PCDHA5: variants seen among roughly 807,000 people sequenced by gnomAD.
PCDHA5 encodes protocadherin alpha 5, also known as protocadherin alpha-5.
PCDHA5 carries 43 observed loss-of-function variants against 61.6 expected under a neutral mutation model. That is an observed-to-expected ratio of 0.70 (90% CI 0.55 to 0.90). PCDHA5 has a LOEUF of 0.90. Among genes scored for constraint, PCDHA5 ranks in the 40% least tolerant of loss-of-function variants. The pLI, the probability that PCDHA5 is intolerant of heterozygous loss-of-function variation, is 0.00. For synonymous variants in PCDHA5, 627 were observed against 543.9 expected (o/e 1.15, Z -2.13); for missense variants, 1,298 against 1,222.7 (o/e 1.06, Z -0.92).
chr5:140,863,149 G>T, intron 1 of PCDHA5: 1 of 617,002 alleles, frequency 1.6e-6, no homozygotes, highest in Non-Finnish European at 3.1e-6. Context: ...GCTGGTGAAG[G>T]ACCACTGCGA....
chr5:141,009,407 G>T (rs990895210), intron 3 of PCDHA5, among the ~76,000 whole-genome samples: 2 of 152,184 alleles, frequency 1.3e-5, no homozygotes, highest in Admixed American at 6.5e-5. Flanking sequence ...TGCAGTGACT[G>T]CATTTCAGCC....
intron 1 of PCDHA5, among the ~76,000 whole-genome samples, chr5:140,936,918 T>C (rs2091208385): frequency 6.6e-6 from 1 of 152,198 alleles, no homozygotes; most frequent in Non-Finnish European, 1.5e-5. Flanking sequence ...CTGTAGAAAA[T>C]ATGGGGTATA....
chr5:140,978,246 C>T (rs1243560833), intron 1 of PCDHA5, among the ~76,000 whole-genome samples: 1 of 152,148 alleles, frequency 6.6e-6, no homozygotes, highest in Non-Finnish European at 1.5e-5. Flanking sequence ...TCAGCTACTC[C>T]CTGTTAAACA....
chr5:140,879,824 T>G (rs946010713), intron 1 of PCDHA5, among the ~76,000 whole-genome samples: 2 of 152,250 alleles, frequency 1.3e-5, no homozygotes, highest in Non-Finnish European at 2.9e-5. Context: ...TGGTGTTCCC[T>G]GGCTTGTGGC....
rs528377796 is a variant in PCDHA5, at chr5:140,957,777, T to G, written c.2353-21172T>G. The stretch of plus-strand genomic sequence containing the variant: ...TTCATTATATATGTTAAGTAAAAAC[T>G]AAGTTCATCATATATGTTAAGTAAA... On this transcript the variant is annotated intron_variant, in intron 1 of 3. Coordinates refer to ENST00000529859, the MANE Select transcript of PCDHA5 (RefSeq NM_018908.3). 8.5e-5 allele frequency among the ~76,000 whole-genome samples: 13 copies of G among 152,182 alleles called. No individual in the cohort carries two copies. The South Asian group carries it at 1.7e-3, about 19-fold the overall frequency.
At chr5:140,869,729 A>T (rs1554163384) in intron 1 of PCDHA5, 2 of 1,613,280 alleles carry the variant, frequency 1.2e-6, no homozygotes, top group Non-Finnish European at 1.7e-6. Context: ...CCGGAACTTA[A>T]TTTGCTGCTA....
At chr5:141,007,227 A>G (rs1458505596) in intron 3 of PCDHA5, among the ~76,000 whole-genome samples, 1 of 151,972 alleles carries the variant, frequency 6.6e-6, no homozygotes, top group Non-Finnish European at 1.5e-5. Flanking sequence ...CAAAATAAGA[A>G]GGATTGTTGA....
chr5:140,821,735 T>A lies in PCDHA5; in HGVS notation c.-41T>A. 1 of 1,535,068 alleles carries A rather than the reference T, an allele frequency of 6.5e-7. No individual in the cohort carries two copies. Among genetic ancestry groups the A allele is most frequent in the South Asian group, 1.2e-5 (1 of 80,362 alleles). Reference sequence around the variant, plus strand: ...AATTGAATTTACAAAATACATTGTGTGGTGATGCAATAGAAAGCTCATAAT... The same window carrying A: ...AATTGAATTTACAAAATACATTGTGAGGTGATGCAATAGAAAGCTCATAAT... On this transcript the variant is annotated 5_prime_UTR_variant, in exon 1 of 4. Coordinates refer to ENST00000529859, the MANE Select transcript of PCDHA5 (RefSeq NM_018908.3).
intron 1 of PCDHA5, among the ~76,000 whole-genome samples, chr5:140,932,861 G>A (rs1554209099): frequency 6.6e-6 from 1 of 151,858 alleles, no homozygotes; most frequent in Non-Finnish European, 1.5e-5. Flanking sequence ...ATGACTTATT[G>A]TCTTTTGTTG....
At chr5:140,865,781 A>T (rs1213634186) in intron 1 of PCDHA5, 5 of 152,208 alleles carry the variant, frequency 3.3e-5, no homozygotes, top group Non-Finnish European at 5.9e-5. Flanking sequence ...TCAAATGTGT[A>T]TCTTTCAGGC....
chr5:140,823,878 C>A lies in PCDHA5; in HGVS notation c.2103C>A (p.Ile701=), dbSNP rs142924665. The change falls in exon 1 of 4, where the codon ATC becomes ATA. Residue 701 remains isoleucine, a synonymous_variant. Coordinates refer to ENST00000529859, the MANE Select transcript of PCDHA5 (RefSeq NM_018908.3). The stretch of plus-strand genomic sequence containing the variant: ...TGGATGTCAACGTGTACCTGATCAT[C>A]GCCATCTGTGCGGTGTCCAGCCTGC... ...ALVDVNVYLI[I]AICAVSSLLV... 6,707 of 1,613,924 alleles carry A rather than the reference C, an allele frequency of 4.2e-3. 22 individuals are homozygous for A. Among genetic ancestry groups the A allele is most frequent in the Non-Finnish European group, 5.2e-3 (6,149 of 1,179,944 alleles).
At chr5:140,871,273 G>T in intron 1 of PCDHA5, 3 of 1,613,916 alleles carry the variant, frequency 1.9e-6, no homozygotes, top group Non-Finnish European at 2.5e-6. Flanking sequence ...GTGGTGGTCG[G>T]CAACGCCCAC....
intron 1 of PCDHA5, chr5:140,851,388 A>G (rs2042047686): frequency 1.0e-6 from 1 of 974,904 alleles, no homozygotes; most frequent in Admixed American, 6.2e-5. Flanking sequence ...AACCTTCAGT[A>G]TCTATTATTT....
chr5:140,950,071 T>C (rs560042578), intron 1 of PCDHA5, among the ~76,000 whole-genome samples: 20 of 152,098 alleles, frequency 1.3e-4, no homozygotes, highest in African/African-American at 4.8e-4. Context: ...TCCTGTGCCA[T>C]TGCTTATGCT....
intron 1 of PCDHA5, chr5:140,869,970 A>G: frequency 3.7e-6 from 6 of 1,613,166 alleles, no homozygotes; most frequent in Non-Finnish European, 5.1e-6. Context: ...CCAATGGAAG[A>G]CACTTATTTA....
chr5:140,858,539 T>A (rs62384480), intron 1 of PCDHA5: 78,694 of 1,399,008 alleles, frequency 0.056, 7,001 homozygotes, highest in Non-Finnish European at 0.065. Context: ...TTTGTCTACA[T>A]TCCATTTATG....
intron 3 of PCDHA5, among the ~76,000 whole-genome samples, chr5:140,986,774 A>G (rs1201484926): frequency 6.6e-6 from 1 of 152,226 alleles, no homozygotes; most frequent in Non-Finnish European, 1.5e-5. Context: ...TTAATTAGGT[A>G]GCGGAAGCCA....
intron 1 of PCDHA5, chr5:140,843,699 T>C: frequency 6.3e-7 from 1 of 1,582,804 alleles, no homozygotes; most frequent in Non-Finnish European, 8.7e-7. Flanking sequence ...GATTTAAATG[T>C]TGATCATGGC....
chr5:140,865,798 C>T (rs1467476362), intron 1 of PCDHA5: 1 of 152,146 alleles, frequency 6.6e-6, no homozygotes, highest in East Asian at 1.9e-4. Context: ...AGGCTTCAGA[C>T]TCATTCTTTT....
Sources: allele counts gnomAD v4.1 joint callset (sites outside exome capture counted in the v4.1 genomes callset), GRCh38; gene constraint gnomAD v4.1.1; transcripts MANE v1.5; gene names NCBI Gene and HGNC (gene_info 2026-07-23, HGNC 2026-07-21).